Variants in UXS1 observed in about 807,000 individuals in gnomAD.
UXS1 encodes the protein UDP-glucuronate decarboxylase 1.
UXS1 carries 33 observed loss-of-function variants against 62.6 expected under a neutral mutation model. That is an observed-to-expected ratio of 0.53 (90% confidence interval 0.40 to 0.70). UXS1 has a LOEUF of 0.70. Ranked by LOEUF, UXS1 falls within the 30% of genes least tolerant of loss-of-function variation. UXS1 has a pLI of 0.00. For synonymous variants in UXS1, 213 were observed against 206.8 expected (o/e 1.03, Z -0.26); for missense variants, 434 against 556.3 (o/e 0.78, Z 2.21).
intron 1 of UXS1, among the ~76,000 whole-genome samples, chr2:106,178,159 GC>G (rs1228711580): frequency 6.6e-6 from 1 of 152,156 alleles, no homozygotes; most frequent in East Asian, 1.9e-4. Flanking sequence ...CTCTGTGCCC[GC>G]CGCGTGGGGG....
intron 5 of UXS1, among the ~76,000 whole-genome samples, chr2:106,147,964 G>A (rs941756288): frequency 2.0e-5 from 3 of 152,230 alleles, no homozygotes; most frequent in African/African-American, 4.8e-5. Context: ...CAGGATGGGT[G>A]AGACCAGGCA....
chr2:106,166,016 A>G (rs1683189445), intron 2 of UXS1, 40 bp downstream of exon 2: 1 of 1,595,570 alleles, frequency 6.3e-7, no homozygotes, highest in Non-Finnish European at 8.5e-7. Context: ...ATGTGTCTAT[A>G]AAATCCAACC....
intron 8 of UXS1, 116 bp downstream of exon 8, chr2:106,125,504 A>G: frequency 9.0e-6 from 9 of 1,002,714 alleles, no homozygotes; most frequent in Non-Finnish European, 1.2e-5. Flanking sequence ...TCCTGTGCAC[A>G]AGAGGAGCAT....
chr2:106,126,185 G>C (rs888701194), intron 7 of UXS1, among the ~76,000 whole-genome samples: 4 of 152,120 alleles, frequency 2.6e-5, no homozygotes, highest in African/African-American at 9.7e-5. Flanking sequence ...CTTTTCCAAA[G>C]CAACTGTCAC....
At chr2:106,188,671 C>T (rs916824149) in intron 1 of UXS1, among the ~76,000 whole-genome samples, 3 of 152,158 alleles carry the variant, frequency 2.0e-5, no homozygotes, top group African/African-American at 7.2e-5. Context: ...GACAATAGCC[C>T]GGGAGGACCA....
intron 4 of UXS1, among the ~76,000 whole-genome samples, chr2:106,161,551 C>T (rs1156395587): frequency 2.6e-5 from 4 of 152,234 alleles, no homozygotes; most frequent in East Asian, 1.9e-4. Flanking sequence ...CATTCCTAAG[C>T]GAGAGAGAAA....
At chr2:106,098,614 T>C in intron 13 of UXS1, 102 bp downstream of exon 13, 1 of 944,250 alleles carries the variant, frequency 1.1e-6, no homozygotes, top group African/African-American at 1.7e-5. Context: ...TTTGATCCAA[T>C]TCAATTAGCT....
chr2:106,098,147 C>T (rs1411198825), intron 13 of UXS1, among the ~76,000 whole-genome samples: 1 of 152,216 alleles, frequency 6.6e-6, no homozygotes, highest in East Asian at 1.9e-4. Flanking sequence ...GAGTCTGACT[C>T]CTCAGAGCTC....
At chr2:106,122,886 G>C (rs1231241387) in intron 9 of UXS1, 84 bp downstream of exon 9, 5 of 1,524,158 alleles carry the variant, frequency 3.3e-6, no homozygotes, top group Non-Finnish European at 4.4e-6. Flanking sequence ...ATCAGTCATG[G>C]CATTCATTCC....
At chr2:106,112,893 G>T in intron 9 of UXS1, 128 bp from the exon 10 acceptor site, 1 of 1,410,306 alleles carries the variant, frequency 7.1e-7, no homozygotes. Flanking sequence ...AATGGAAATG[G>T]CTTTTTTGTT....
chr2:106,191,926 C>G (rs1045894289), intron 1 of UXS1, among the ~76,000 whole-genome samples: 1 of 152,218 alleles, frequency 6.6e-6, no homozygotes, highest in African/African-American at 2.4e-5. Flanking sequence ...GCCCACCTCA[C>G]CATCTTGGCC....
intron 1 of UXS1, among the ~76,000 whole-genome samples, chr2:106,192,921 T>C (rs966491876): frequency 1.3e-5 from 2 of 152,202 alleles, no homozygotes; most frequent in African/African-American, 2.4e-5. Context: ...TAATAATAGT[T>C]ATTCAACTTT....
At chr2:106,153,690 G>C (rs1372109166) in intron 5 of UXS1, among the ~76,000 whole-genome samples, 1 of 152,026 alleles carries the variant, frequency 6.6e-6, no homozygotes, top group Middle Eastern at 3.2e-3. Flanking sequence ...CCCATAAACA[G>C]AAAAAACAAC....
intron 9 of UXS1, among the ~76,000 whole-genome samples, chr2:106,116,609 T>C (rs1679081820): frequency 6.6e-6 from 1 of 152,206 alleles, no homozygotes; most frequent in Non-Finnish European, 1.5e-5. Flanking sequence ...TCTCCCCGTG[T>C]CTCTTGATGT....
intron 1 of UXS1, 192 bp from the exon 2 acceptor site, chr2:106,166,275 G>C (rs1255648492): frequency 1.8e-6 from 1 of 563,200 alleles, no homozygotes; most frequent in Non-Finnish European, 3.0e-6. Context: ...CAGGATCGTA[G>C]AGTTTATTCA....
At chr2:106,108,011 C>A (rs756479420) in intron 10 of UXS1, among the ~76,000 whole-genome samples, 1 of 152,208 alleles carries the variant, frequency 6.6e-6, no homozygotes, top group Non-Finnish European at 1.5e-5. Context: ...CCACTGCATA[C>A]CCCCACAGAC....
At chr2:106,166,782 T>C (rs1683243458) in intron 1 of UXS1, among the ~76,000 whole-genome samples, 1 of 149,074 alleles carries the variant, frequency 6.7e-6, no homozygotes, top group African/African-American at 2.5e-5. Flanking sequence ...CTCCGCCTCC[T>C]GAGTAAGTGG....
At chr2:106,111,514 C>T (rs572828438) in intron 10 of UXS1, among the ~76,000 whole-genome samples, 25 of 152,280 alleles carry the variant, frequency 1.6e-4, no homozygotes, top group African/African-American at 5.8e-4. Context: ...CCAACACAGA[C>T]AAGGAGACAC....
chr2:106,097,903 C>T (rs1239958829), intron 13 of UXS1, among the ~76,000 whole-genome samples: 1 of 152,256 alleles, frequency 6.6e-6, no homozygotes, highest in Non-Finnish European at 1.5e-5. Context: ...GCTGCTTCTA[C>T]TGCCACGAGC....
Sources: gnomAD v4.1 joint callset for allele counts (sites outside exome capture counted in the v4.1 genomes callset) on GRCh38, gnomAD v4.1.1 for gene constraint, MANE v1.5 for transcripts, NCBI Gene and HGNC (gene_info 2026-07-23, HGNC 2026-07-21) for gene names.